Variants in TNS3 observed in about 807,000 individuals in gnomAD.
The protein encoded by TNS3 is tensin 3, also known as tensin-3.
TNS3 carries 45 observed loss-of-function variants against 140.9 expected under a neutral mutation model. That is an observed-to-expected ratio of 0.32 (90% confidence interval 0.25 to 0.41). The LOEUF (loss-of-function observed/expected upper bound fraction) is 0.41, where lower values mean the gene tolerates loss of function less well. TNS3 is among the 10% of genes least tolerant of loss of function. TNS3 has a pLI of 1.00. For synonymous variants in TNS3, 815 were observed against 788.4 expected, an observed-to-expected ratio of 1.03 and a Z score of -0.56; for missense variants, 1,716 against 1,906.7, an observed-to-expected ratio of 0.90 and a Z score of 1.86.
At position 47,400,777 on chromosome 7, in the gene TNS3, C is replaced by T. The variant is rs777366228; in HGVS notation, c.853+8G>A. The stretch of plus-strand genomic sequence containing the variant: ...CACAAGCACAGGGCCGCCAGCTCCG[C>T]GCCTCACCTTTGCTGGCATTGTCCA... On this transcript the variant is annotated splice_region_variant and intron_variant, in intron 14 of 30. Coordinates refer to ENST00000311160, the MANE Select transcript of TNS3 (RefSeq NM_022748.12). 23 of 1,613,690 alleles carry T rather than the reference C, an allele frequency of 1.4e-5. No homozygotes were observed. The Admixed American group carries it at 2.3e-4, about 16-fold the overall frequency.
chr7:47,551,862 G>A (rs968698367), intron 1 of TNS3, among the ~76,000 whole-genome samples: 1 of 152,134 alleles, frequency 6.6e-6, no homozygotes, highest in Non-Finnish European at 1.5e-5. Context: ...AAATAACAGG[G>A]AATGACGTCT....
intron 5 of TNS3, among the ~76,000 whole-genome samples, chr7:47,440,170 C>A (rs1034187855): frequency 5.9e-5 from 9 of 152,222 alleles, no homozygotes; most frequent in African/African-American, 2.2e-4. Context: ...TATGCGGCAT[C>A]CTGGGGGAGG....
At chr7:47,346,164 T>C in intron 18 of TNS3, 23 bp downstream of exon 18, 1 of 1,610,098 alleles carries the variant, frequency 6.2e-7, no homozygotes, top group Non-Finnish European at 8.5e-7. Context: ...GCCCAGAAAC[T>C]GGGACCTGGC....
At chr7:47,334,167 G>C (rs1347702945) in intron 20 of TNS3, among the ~76,000 whole-genome samples, 3 of 152,098 alleles carry the variant, frequency 2.0e-5, no homozygotes, top group Admixed American at 6.6e-5. Context: ...TACCACTCCT[G>C]ATCAGTCTCA....
At chr7:47,544,085 C>T (rs552524274) in intron 1 of TNS3, among the ~76,000 whole-genome samples, 1 of 152,334 alleles carries the variant, frequency 6.6e-6, no homozygotes, top group South Asian at 2.1e-4. Flanking sequence ...TCATTACAGA[C>T]TGTGCACAGG....
At position 47,401,010 on chromosome 7, in the gene TNS3, C is replaced by G; in HGVS notation, c.724-96G>C. On this transcript the variant is annotated intron_variant, in intron 13 of 30. Transcript: ENST00000311160. ...TCCGCGGAGGCCGGCACAGCAGGGC[C>G]TCCCCTCTGGACTCTGGCTGGGAGT... is the stretch of plus-strand genomic sequence containing the variant. 2.6e-6 allele frequency: 4 copies of G among 1,544,972 alleles called. No homozygotes were observed. The South Asian group carries it at 4.8e-5, about 19-fold the overall frequency.
chr7:47,368,478 A>G lies in TNS3; in HGVS notation c.2168T>C (p.Leu723Pro). ...FEPIPTHMNA[L>P]GSQANGSVSP... is the part of the protein sequence containing the mutation. ...CACAGAGCCATTGGCCTGGCTACCG[A>G]GGGCGTTCATGTGGGTAGGGATGGG... is the stretch of plus-strand genomic sequence containing the variant. Residue 723 changes from leucine (L) to proline (P), a missense_variant, in exon 17 of 31, where the codon CTC becomes CCC. By Grantham distance (98) the Leu-to-Pro change is moderately conservative. This residue lies in a region of TNS3 where 1,163 missense variants were observed against 1,182.1 expected (regional missense o/e 0.98). Transcript: ENST00000311160. 1.3e-6 allele frequency: 2 copies of G among 1,592,146 alleles called. No homozygotes were observed. The highest frequency in any genetic ancestry group is 1.7e-6 in the Non-Finnish European group (2 of 1,164,138).
chr7:47,576,528 A>G (rs191838154), intron 1 of TNS3, among the ~76,000 whole-genome samples: 42 of 152,312 alleles, frequency 2.8e-4, no homozygotes, highest in Non-Finnish European at 5.4e-4. Context: ...CAGTGATGAA[A>G]GGGGTAGGCG....
chr7:47,306,599 G>A (rs916007409), intron 20 of TNS3, among the ~76,000 whole-genome samples: 1 of 151,700 alleles, frequency 6.6e-6, no homozygotes, highest in Non-Finnish European at 1.5e-5. Context: ...TTTGGAGACG[G>A]AGTCTCGCTC....
At chr7:47,455,510 C>T (rs1475728882) in intron 4 of TNS3, among the ~76,000 whole-genome samples, 1 of 152,134 alleles carries the variant, frequency 6.6e-6, no homozygotes, top group Non-Finnish European at 1.5e-5. Flanking sequence ...AGCAGCCCTG[C>T]TTCCCTTTCA....
At chr7:47,340,369 C>T (rs1788930731) in intron 20 of TNS3, among the ~76,000 whole-genome samples, 1 of 151,110 alleles carries the variant, frequency 6.6e-6, no homozygotes, top group Admixed American at 6.6e-5. Flanking sequence ...GATCTGCCCA[C>T]CCCTGCCTCC....
intron 25 of TNS3, 24 bp from the exon 26 acceptor site, chr7:47,292,929 CAA>C (rs1785792807): frequency 6.2e-7 from 1 of 1,609,368 alleles, no homozygotes; most frequent in Non-Finnish European, 8.5e-7. Flanking sequence ...AGACAGCAAA[CAA>C]GAGTCAACAA....
chr7:47,369,731 T>C, intron 16 of TNS3, 110 bp from the exon 17 acceptor site: 1 of 1,225,190 alleles, frequency 8.2e-7, no homozygotes, highest in Non-Finnish European at 1.1e-6. Context: ...ATTCAAAATA[T>C]GACTTACAAT....
Position 47,369,611 on chromosome 7 carries a change from C to T in TNS3, c.1035G>A (p.Thr345=), listed in dbSNP as rs775446729. 12 of 1,579,004 alleles carry T rather than the reference C, an allele frequency of 7.6e-6. No homozygotes were observed. The Admixed American group carries it at 8.8e-5, about 12-fold the overall frequency. ...NLSADGEVLH[T]QGPVDGSLYA... ...AAAGGCTGCCATCGACAGGGCCCTG[C>T]GTGTGTAGCACTGCGGGGGAGAAAA... The change falls in exon 17 of 31, where the codon ACG becomes ACA. Residue 345 remains threonine (T), a synonymous_variant. Coordinates refer to ENST00000311160, the MANE Select transcript of TNS3 (RefSeq NM_022748.12).
chr7:47,488,906 C>T (rs1004435953), intron 3 of TNS3, among the ~76,000 whole-genome samples: 1 of 152,158 alleles, frequency 6.6e-6, no homozygotes, highest in Non-Finnish European at 1.5e-5. Context: ...AAGAGAGGCC[C>T]AGGGTCAGAT....
At chr7:47,486,304 AGT>A (rs764571981) in intron 3 of TNS3, among the ~76,000 whole-genome samples, 81 of 151,186 alleles carry the variant, frequency 5.4e-4, no homozygotes, top group Non-Finnish European at 9.9e-4. Context: ...GAGTTTTGTA[AGT>A]GTGTCTGTGT....
intron 13 of TNS3, among the ~76,000 whole-genome samples, chr7:47,409,397 C>T (rs1562703065): frequency 6.6e-6 from 1 of 152,050 alleles, no homozygotes; most frequent in Non-Finnish European, 1.5e-5. Flanking sequence ...AGAGGGCCGT[C>T]CCATGCTCTT....
intron 20 of TNS3, among the ~76,000 whole-genome samples, chr7:47,341,128 G>A (rs1788988189): frequency 6.6e-6 from 1 of 152,048 alleles, no homozygotes; most frequent in Non-Finnish European, 1.5e-5. Flanking sequence ...TTTATATATT[G>A]CTGTGTTCTA....
intron 8 of TNS3, among the ~76,000 whole-genome samples, chr7:47,433,874 C>T (rs921172496): frequency 1.4e-4 from 17 of 118,434 alleles, no homozygotes; most frequent in African/African-American, 5.0e-4. Context: ...TTTAAAAGTC[C>T]GTCTGTCTAT....
Sources: allele counts gnomAD v4.1 joint callset (sites outside exome capture counted in the v4.1 genomes callset), GRCh38; gene constraint gnomAD v4.1.1; regional missense constraint gnomAD v4.1.1; transcripts MANE v1.5; gene names NCBI Gene and HGNC (gene_info 2026-07-23, HGNC 2026-07-21).